Variants in GSDMC observed in about 807,000 individuals in gnomAD.
GSDMC encodes gasdermin-C.
In GSDMC, 59 loss-of-function variants were observed where a neutral mutation model predicts 58.0. The ratio of observed to expected loss-of-function variants is 1.02; its 90% CI spans 0.82 to 1.26. The LOEUF is 1.26. Among genes scored for constraint, GSDMC ranks in the 50% most tolerant of loss-of-function variants. The pLI is 0.00. For synonymous variants in GSDMC, 241 were observed against 220.2 expected (o/e 1.09, Z -0.83); for missense variants, 659 against 598.5 (o/e 1.10, Z -1.06).
At chr8:129,750,391 A>G (rs750716799) in intron 11 of GSDMC, 40 bp downstream of exon 11, 1 of 1,587,846 alleles carries the variant, frequency 6.3e-7, no homozygotes, top group Non-Finnish European at 8.6e-7. Flanking sequence ...AATCCCATTT[A>G]CAGCTTTTAC....
chr8:129,755,404 C>A (rs1172664006), intron 6 of GSDMC, among the ~76,000 whole-genome samples: 1 of 152,078 alleles, frequency 6.6e-6, no homozygotes, highest in Non-Finnish European at 1.5e-5. Flanking sequence ...GAAATAAAGA[C>A]ATCTCCAGAC....
At position 129,762,585 on chromosome 8, in the gene GSDMC, C is replaced by T. The variant is rs557311179; in HGVS notation, c.676+41G>A. 30 of 1,162,210 alleles carry T rather than the reference C, an allele frequency of 2.6e-5. 1 individual carries two copies. In the East Asian group the frequency reaches 5.6e-4, roughly 22 times the overall value. 72.0% of individuals were successfully genotyped at this position (1,162,210 alleles called of 1,614,324 possible). ...TCTCTCATAGGAGAAGCAGACACCC[C>T]CTCCACTGCCATCTGCCTTGCTGAG... On this transcript the variant is annotated intron_variant, in intron 5 of 13. Transcript: ENST00000276708.
chr8:129,717,864 C>T, the GSDMC span, among the ~76,000 whole-genome samples: 13 of 151,998 alleles, frequency 8.6e-5, no homozygotes, highest in Non-Finnish European at 1.5e-4. Flanking sequence ...TCAGAAATAA[C>T]GGCACACATC....
At chr8:129,762,787 A>G in intron 4 of GSDMC, 56 bp from the exon 5 acceptor site, 1 of 1,213,640 alleles carries the variant, frequency 8.2e-7, no homozygotes, top group Admixed American at 1.7e-5. Context: ...TAAAGGTCAG[A>G]TGGCTCTAGA....
chr8:129,708,440 T>C, the GSDMC span, among the ~76,000 whole-genome samples: 1 of 152,124 alleles, frequency 6.6e-6, no homozygotes, highest in Non-Finnish European at 1.5e-5. Flanking sequence ...CAGAGAGTAG[T>C]TTGGGATGAG....
At chr8:129,751,708 T>G in intron 9 of GSDMC, 140 bp from the exon 10 acceptor site, 1 of 1,105,110 alleles carries the variant, frequency 9.0e-7, no homozygotes, top group Non-Finnish European at 1.4e-6. Flanking sequence ...TCATCCTCCA[T>G]GTTCTCAGCT....
chr8:129,745,896 C>T (rs566812885), downstream of GSDMC, among the ~76,000 whole-genome samples: 3 of 106,958 alleles, frequency 2.8e-5, no homozygotes, highest in African/African-American at 1.2e-4. Flanking sequence ...GCCCTCCTGC[C>T]GTTCTACATG....
At chr8:129,746,429 T>A (rs1056684249), downstream of GSDMC, among the ~76,000 whole-genome samples, 2 of 152,058 alleles carry the variant, frequency 1.3e-5, no homozygotes, top group African/African-American at 2.4e-5. Context: ...AAATCAAAGA[T>A]GCAAGAATTA....
intron 4 of GSDMC, among the ~76,000 whole-genome samples, chr8:129,764,727 T>C (rs1483870439): frequency 6.6e-6 from 1 of 152,226 alleles, no homozygotes; most frequent in African/African-American, 2.4e-5. Flanking sequence ...ACCCCATGAA[T>C]GTATACATCT....
intron 2 of GSDMC, among the ~76,000 whole-genome samples, chr8:129,776,721 T>C (rs1299186498): frequency 6.7e-6 from 1 of 148,566 alleles, no homozygotes. Flanking sequence ...CATAACTGTT[T>C]TTTTGTTTGG....
chr8:129,708,393 G>C, the GSDMC span, among the ~76,000 whole-genome samples: 2 of 152,348 alleles, frequency 1.3e-5, no homozygotes, highest in East Asian at 3.9e-4. Context: ...GCTCTGCAGA[G>C]AAAATGGCAA....
chr8:129,724,659 A>G, the GSDMC span, among the ~76,000 whole-genome samples: 7 of 152,040 alleles, frequency 4.6e-5, no homozygotes, highest in Admixed American at 3.3e-4. Flanking sequence ...GTTCACACAC[A>G]GAAACAGAAG....
At chr8:129,715,373 A>G in the GSDMC span, among the ~76,000 whole-genome samples, 4 of 152,188 alleles carry the variant, frequency 2.6e-5, no homozygotes, top group African/African-American at 9.7e-5. Flanking sequence ...TAGGAACACA[A>G]AAATATCCAG....
chr8:129,740,749 C>G, the GSDMC span, among the ~76,000 whole-genome samples: 5 of 152,134 alleles, frequency 3.3e-5, no homozygotes, highest in Non-Finnish European at 5.9e-5. Context: ...TATTAGCTCC[C>G]TAGCAGATGT....
intron 3 of GSDMC, among the ~76,000 whole-genome samples, chr8:129,766,598 T>C (rs976880277): frequency 3.9e-5 from 6 of 152,202 alleles, no homozygotes; most frequent in East Asian, 3.8e-4. Context: ...CCAAGCATCA[T>C]GTTTTATCTC....
At chr8:129,750,659 G>A (rs1319371989) in intron 10 of GSDMC, 89 bp from the exon 11 acceptor site, 1 of 1,312,512 alleles carries the variant, frequency 7.6e-7, no homozygotes, top group Non-Finnish European at 1.1e-6. Context: ...GCACGAATAT[G>A]AACCAAACTC....
chr8:129,745,330 G>A, downstream of GSDMC, among the ~76,000 whole-genome samples: 1 of 152,000 alleles, frequency 6.6e-6, no homozygotes, highest in Non-Finnish European at 1.5e-5. Flanking sequence ...CTTCTTTGAT[G>A]TTCTCTCCTC....
chr8:129,783,499 C>A (rs1269437633), intron 1 of GSDMC, among the ~76,000 whole-genome samples: 5 of 151,896 alleles, frequency 3.3e-5, no homozygotes, highest in African/African-American at 1.2e-4. Flanking sequence ...ACAAGAGCTA[C>A]AAATAAAATT....
the GSDMC span, among the ~76,000 whole-genome samples, chr8:129,705,995 G>A: frequency 6.6e-6 from 1 of 152,096 alleles, no homozygotes; most frequent in Non-Finnish European, 1.5e-5. Flanking sequence ...ACAGTGACCT[G>A]ATATTGGAAA....
Sources: gnomAD v4.1 joint callset for allele counts (sites outside exome capture counted in the v4.1 genomes callset) on GRCh38, gnomAD v4.1.1 for gene constraint, MANE v1.5 for transcripts, NCBI Gene and HGNC (gene_info 2026-07-23, HGNC 2026-07-21) for gene names.